The following MTUS2 variants were observed in gnomAD, a reference collection of about 807,000 sequenced individuals.
MTUS2 encodes the protein microtubule associated scaffold protein 2.
MTUS2 carries 40 observed loss-of-function variants against 114.1 expected under a neutral mutation model. That is an observed-to-expected ratio of 0.35 (90% CI 0.27 to 0.46). The LOEUF is 0.46. Among genes scored for constraint, MTUS2 ranks in the 20% least tolerant of loss-of-function variants. The pLI, the probability that MTUS2 is intolerant of heterozygous loss-of-function variation, is 1.00. For missense variants in MTUS2, 1,679 were observed against 1,705.4 expected, an observed-to-expected ratio of 0.98 and a Z score of 0.27; for synonymous variants, 688 against 672.0, an observed-to-expected ratio of 1.02 and a Z score of -0.37.
In MTUS2 at chr13:28,991,469, C is replaced by T. The variant is rs374117446; in HGVS notation, c.-242-32988C>T. 4.0e-4 allele frequency among the ~76,000 whole-genome samples: 61 copies of T among 151,548 alleles called. 1 individual carries two copies. The highest frequency in any genetic ancestry group is 1.3e-3 in the African/African-American group (52 of 41,296). On this transcript the variant is annotated intron_variant, in intron 2 of 15. Transcript: ENST00000612955. ...CTGCAAGCTCCGCCTCCCGGGTTCA[C>T]GCCATTCTCCTGCCTCAGCCTCCTG... is the stretch of plus-strand genomic sequence containing the variant.
intron 8 of MTUS2, among the ~76,000 whole-genome samples, chr13:29,389,359 GTATGCACGTGTGTGTATA>G (rs879341405): frequency 0.019 from 1,597 of 82,556 alleles, 112 homozygotes; most frequent in East Asian, 0.032. Flanking sequence ...GTGTATATAT[GTATGCACGTGTGTGTATA>G]TATGTATACA....
At chr13:29,016,251 A>C (rs1451174546) in intron 2 of MTUS2, among the ~76,000 whole-genome samples, 1 of 152,156 alleles carries the variant, frequency 6.6e-6, no homozygotes, top group Non-Finnish European at 1.5e-5. Context: ...ACTTTGGAAA[A>C]ATATCATCCA....
chr13:28,979,051 C>A (rs543376858), intron 2 of MTUS2, among the ~76,000 whole-genome samples: 1 of 152,364 alleles, frequency 6.6e-6, no homozygotes, highest in Middle Eastern at 3.4e-3. Flanking sequence ...TCTGTAACCT[C>A]TGCAGTCAGA....
intron 2 of MTUS2, among the ~76,000 whole-genome samples, chr13:28,894,476 T>G (rs1879147831): frequency 6.6e-6 from 1 of 152,064 alleles, no homozygotes; most frequent in African/African-American, 2.4e-5. Flanking sequence ...ACTGGCACCT[T>G]GATCTTGGAC....
intron 8 of MTUS2, among the ~76,000 whole-genome samples, chr13:29,383,245 TGTGTGTG>T (rs1872361472): frequency 2.6e-5 from 3 of 113,302 alleles, no homozygotes; most frequent in South Asian, 3.2e-4. Context: ...TGTGTGTGTG[TGTGTGTG>T]TATTTATTTT....
intron 5 of MTUS2, among the ~76,000 whole-genome samples, chr13:29,225,050 G>A (rs185066496): frequency 6.6e-6 from 1 of 152,322 alleles, no homozygotes; most frequent in African/African-American, 2.4e-5. Context: ...TGGGGCCCAG[G>A]CATCAGTGAG....
At chr13:28,984,578 T>G (rs1484026024) in intron 2 of MTUS2, among the ~76,000 whole-genome samples, 1 of 152,212 alleles carries the variant, frequency 6.6e-6, no homozygotes, top group African/African-American at 2.4e-5. Context: ...TAGAGTTGTT[T>G]GGAAGCCCCG....
At chr13:29,147,423 C>G (rs555551010) in intron 5 of MTUS2, among the ~76,000 whole-genome samples, 3 of 152,166 alleles carry the variant, frequency 2.0e-5, no homozygotes, top group Non-Finnish European at 2.9e-5. Flanking sequence ...TAAAATTATG[C>G]CCATTTTAAA....
At chr13:29,117,658 C>T (rs770143855) in intron 5 of MTUS2, among the ~76,000 whole-genome samples, 3 of 152,200 alleles carry the variant, frequency 2.0e-5, no homozygotes, top group African/African-American at 4.8e-5. Context: ...CCACCATAGC[C>T]GCTGTGACAG....
At chr13:28,915,807 T>A (rs1286863479) in intron 2 of MTUS2, among the ~76,000 whole-genome samples, 1 of 151,938 alleles carries the variant, frequency 6.6e-6, no homozygotes, top group East Asian at 1.9e-4. Flanking sequence ...CTTGATATGA[T>A]CTCATTTGTC....
intron 2 of MTUS2, among the ~76,000 whole-genome samples, chr13:28,852,487 G>A (rs1406673035): frequency 6.6e-6 from 1 of 152,134 alleles, no homozygotes; most frequent in Non-Finnish European, 1.5e-5. Flanking sequence ...TGAAAAGGGA[G>A]GCTAATGGTC....
At chr13:29,013,028 A>G (rs890236309) in intron 2 of MTUS2, among the ~76,000 whole-genome samples, 14 of 152,206 alleles carry the variant, frequency 9.2e-5, no homozygotes, top group Admixed American at 9.2e-4. Flanking sequence ...TTCCATTTTT[A>G]AAAGCACTGT....
At chr13:29,169,464 G>A (rs903062772) in intron 5 of MTUS2, among the ~76,000 whole-genome samples, 1 of 152,168 alleles carries the variant, frequency 6.6e-6, no homozygotes, top group African/African-American at 2.4e-5. Flanking sequence ...TTGCGGCAGT[G>A]AGCTTTTACC....
At chr13:28,974,528 A>G (rs962854754) in intron 2 of MTUS2, among the ~76,000 whole-genome samples, 5 of 152,176 alleles carry the variant, frequency 3.3e-5, no homozygotes, top group African/African-American at 1.2e-4. Context: ...GGGTGTGTAA[A>G]TGAGTGCTGA....
At chr13:29,105,180 A>T (rs79739645) in intron 5 of MTUS2, among the ~76,000 whole-genome samples, 7 of 152,224 alleles carry the variant, frequency 4.6e-5, no homozygotes, top group Non-Finnish European at 1.0e-4. Context: ...GTTCAAAACA[A>T]TTCTGGTCCC....
intron 1 of MTUS2, among the ~76,000 whole-genome samples, chr13:28,828,462 G>A (rs1319244222): frequency 6.6e-6 from 1 of 152,110 alleles, no homozygotes; most frequent in Non-Finnish European, 1.5e-5. Context: ...GCATTGATTG[G>A]GGAAGTGATA....
chr13:28,999,791 G>A (rs1434945318), intron 2 of MTUS2, among the ~76,000 whole-genome samples: 1 of 152,214 alleles, frequency 6.6e-6, no homozygotes, highest in South Asian at 2.1e-4. Flanking sequence ...TCCCCCGCCA[G>A]CCTCTGGTAA....
intron 2 of MTUS2, among the ~76,000 whole-genome samples, chr13:28,937,854 G>A (rs1881993869): frequency 1.3e-5 from 2 of 152,118 alleles, no homozygotes; most frequent in Non-Finnish European, 2.9e-5. Context: ...TAGGTCTGAA[G>A]ACAAAGACTT....
intron 8 of MTUS2, among the ~76,000 whole-genome samples, chr13:29,420,337 G>T (rs1333216713): frequency 2.7e-5 from 4 of 147,542 alleles, no homozygotes; most frequent in Non-Finnish European, 4.4e-5. Flanking sequence ...GAGTGCAGTG[G>T]TGCGATCTCA....
Sources: gnomAD v4.1 joint callset for allele counts (sites outside exome capture counted in the v4.1 genomes callset) on GRCh38, gnomAD v4.1.1 for gene constraint, MANE v1.5 for transcripts, NCBI Gene and HGNC (gene_info 2026-07-23, HGNC 2026-07-21) for gene names.